Variants in TENM3 observed in about 807,000 individuals in gnomAD.
The protein encoded by TENM3 is teneurin transmembrane protein 3, also known as teneurin-3.
In TENM3, 63 loss-of-function variants were observed where a neutral mutation model predicts 255.1. The ratio of observed to expected loss-of-function variants is 0.25; its 90% CI spans 0.20 to 0.30. TENM3 has a LOEUF of 0.30. Among genes scored for constraint, TENM3 ranks in the 10% least tolerant of loss-of-function variants. The pLI, the probability that TENM3 is intolerant of heterozygous loss-of-function variation, is 1.00. For synonymous variants in TENM3, 1,306 were observed against 1,322.3 expected, an observed-to-expected ratio of 0.99 and a Z score of 0.27; for missense variants, 2,929 against 3,461.1, an observed-to-expected ratio of 0.85 and a Z score of 3.86.
At chr4:182,221,188 G>A (rs755549274) in intron 1 of TENM3, among the ~76,000 whole-genome samples, 8 of 152,138 alleles carry the variant, frequency 5.3e-5, no homozygotes, top group Non-Finnish European at 1.0e-4. Context: ...AAAAGACACC[G>A]TGCCTTTGTT....
intron 12 of TENM3, among the ~76,000 whole-genome samples, chr4:182,694,218 T>C (rs531545902): frequency 6.6e-6 from 1 of 152,150 alleles, no homozygotes; most frequent in Admixed American, 6.5e-5. Context: ...CAAGTGATCC[T>C]CCCACGTCAG....
At chr4:181,669,844 C>A in the TENM3 span, among the ~76,000 whole-genome samples, 1 of 152,098 alleles carries the variant, frequency 6.6e-6, no homozygotes, top group Non-Finnish European at 1.5e-5. Context: ...TTCGATGGGA[C>A]CTCTAGGGAG....
At chr4:182,119,940 G>C in the TENM3 span, among the ~76,000 whole-genome samples, 1 of 152,104 alleles carries the variant, frequency 6.6e-6, no homozygotes, top group East Asian at 1.9e-4. Flanking sequence ...AGACTCAAGT[G>C]ATCCTCCTGC....
the TENM3 span, among the ~76,000 whole-genome samples, chr4:181,455,180 C>T: frequency 1.3e-5 from 2 of 152,052 alleles, no homozygotes; most frequent in Admixed American, 6.6e-5. Flanking sequence ...TTCTTTTCTT[C>T]TAAAAGTACT....
the TENM3 span, among the ~76,000 whole-genome samples, chr4:181,935,467 G>A: frequency 6.6e-6 from 1 of 152,308 alleles, no homozygotes; most frequent in Admixed American, 6.5e-5. Flanking sequence ...CTTTCTAGAG[G>A]ATGTCCTTGC....
intron 3 of TENM3, among the ~76,000 whole-genome samples, chr4:182,511,517 GA>G (rs1737396210): frequency 6.6e-6 from 1 of 152,164 alleles, no homozygotes; most frequent in South Asian, 2.1e-4. Context: ...GATGAATAGA[GA>G]ATATGTTTAA....
the TENM3 span, among the ~76,000 whole-genome samples, chr4:182,024,309 A>G: frequency 2.0e-5 from 3 of 152,232 alleles, no homozygotes; most frequent in Non-Finnish European, 4.4e-5. Flanking sequence ...GCAAAAGTTT[A>G]ATGATGACAG....
the TENM3 span, among the ~76,000 whole-genome samples, chr4:181,922,713 GT>G: frequency 6.8e-6 from 1 of 147,808 alleles, no homozygotes; most frequent in South Asian, 2.2e-4. Context: ...TTTTTGAAGG[GT>G]TTTTTGTGTC....
At chr4:181,600,708 G>A in the TENM3 span, among the ~76,000 whole-genome samples, 4 of 151,836 alleles carry the variant, frequency 2.6e-5, no homozygotes, top group South Asian at 2.1e-4. Context: ...CCCTGCTGCC[G>A]TAGACACACA....
At chr4:182,780,229 T>G (rs1175508749) in intron 24 of TENM3, among the ~76,000 whole-genome samples, 3 of 149,512 alleles carry the variant, frequency 2.0e-5, no homozygotes, top group Non-Finnish European at 3.0e-5. Context: ...AATTGATTTT[T>G]GTATAAGGTG....
chr4:181,610,383 T>A, the TENM3 span, among the ~76,000 whole-genome samples: 1 of 152,214 alleles, frequency 6.6e-6, no homozygotes, highest in East Asian at 1.9e-4. Context: ...AAATGACCCA[T>A]AACATACATT....
intron 13 of TENM3, among the ~76,000 whole-genome samples, chr4:182,720,928 C>T (rs1759674502): frequency 6.6e-6 from 1 of 151,922 alleles, no homozygotes; most frequent in Admixed American, 6.6e-5. Context: ...CCACCAGGCC[C>T]GTCTAATTTT....
At chr4:182,238,037 A>G (rs1014290541) in intron 1 of TENM3, among the ~76,000 whole-genome samples, 2 of 152,220 alleles carry the variant, frequency 1.3e-5, no homozygotes, top group Non-Finnish European at 2.9e-5. Flanking sequence ...ATACACTAAG[A>G]CTACAGGTGG....
chr4:181,489,931 C>T, the TENM3 span, among the ~76,000 whole-genome samples: 2 of 152,140 alleles, frequency 1.3e-5, no homozygotes, highest in East Asian at 3.9e-4. Flanking sequence ...AAATAAAATT[C>T]ATTTTAATTT....
intron 3 of TENM3, among the ~76,000 whole-genome samples, chr4:182,579,526 A>T (rs1745278877): frequency 6.6e-6 from 1 of 152,190 alleles, no homozygotes; most frequent in African/African-American, 2.4e-5. Flanking sequence ...AAAGAGGAGG[A>T]GATCTTGGAT....
chr4:181,965,203 CT>C, the TENM3 span, among the ~76,000 whole-genome samples: 16 of 152,192 alleles, frequency 1.1e-4, no homozygotes, highest in Non-Finnish European at 5.9e-5. Flanking sequence ...TAACTTCCTC[CT>C]TATTTTAAAA....
upstream of TENM3, among the ~76,000 whole-genome samples, chr4:182,140,611 C>G (rs1238397791): frequency 2.0e-5 from 3 of 152,308 alleles, no homozygotes; most frequent in African/African-American, 7.2e-5. Flanking sequence ...AGCCTAATAC[C>G]TGCCTGACCC....
At chr4:181,745,732 G>C in the TENM3 span, among the ~76,000 whole-genome samples, 3 of 152,200 alleles carry the variant, frequency 2.0e-5, no homozygotes, top group Non-Finnish European at 4.4e-5. Context: ...TGAGGATTGT[G>C]GAGAAGCTCT....
chr4:182,394,487 A>G (rs766334088), intron 3 of TENM3, among the ~76,000 whole-genome samples: 3 of 152,184 alleles, frequency 2.0e-5, no homozygotes, highest in Non-Finnish European at 4.4e-5. Context: ...TAACCAATGA[A>G]TCAGGGTGGA....
Sources: allele counts gnomAD v4.1 joint callset (sites outside exome capture counted in the v4.1 genomes callset), GRCh38; gene constraint gnomAD v4.1.1; transcripts MANE v1.5; gene names NCBI Gene and HGNC (gene_info 2026-07-23, HGNC 2026-07-21).